The following HMCES variants were observed in gnomAD, a reference collection of about 807,000 sequenced individuals.
HMCES encodes abasic site processing protein HMCES.
HMCES carries 27 observed loss-of-function variants against 35.1 expected under a neutral mutation model. The observed-to-expected ratio is 0.77, with a 90% CI of 0.57 to 1.06. The LOEUF (loss-of-function observed/expected upper bound fraction) is 1.06, where lower values mean the gene tolerates loss of function less well. Among genes scored for constraint, HMCES ranks in the 50% least tolerant of loss-of-function variants. The pLI, the probability that HMCES is intolerant of heterozygous loss-of-function variation, is 0.00. For synonymous variants in HMCES, 130 were observed against 154.7 expected (o/e 0.84, Z 1.18); for missense variants, 391 against 430.4 (o/e 0.91, Z 0.81).
chr3:129,286,827 C>G (rs922437463), intron 2 of HMCES, among the ~76,000 whole-genome samples: 5 of 152,162 alleles, frequency 3.3e-5, no homozygotes, highest in African/African-American at 4.8e-5. Context: ...TCACTGGTCT[C>G]TCCCAACCCA....
chr3:129,285,590 T>C (rs1940614952), intron 2 of HMCES, among the ~76,000 whole-genome samples: 1 of 152,120 alleles, frequency 6.6e-6, no homozygotes, highest in Non-Finnish European at 1.5e-5. Flanking sequence ...TAGCTGGGAC[T>C]ACAGGCACTC....
At position 129,298,432 on chromosome 3, in the gene HMCES, G is replaced by A. The variant is rs770080789; in HGVS notation, c.532G>A (p.Gly178Arg). The A allele has an allele frequency of 9.3e-6, 15 of 1,614,140 alleles. No individual in the cohort carries two copies. Among genetic ancestry groups the A allele is most frequent in the Non-Finnish European group, 1.2e-5 (14 of 1,180,010 alleles). The change falls in exon 5 of 7, where the codon GGG (glycine) becomes AGG (arginine). Residue 178 changes from glycine (G) to arginine (R), a missense_variant. Gly to Arg is a moderately radical substitution (Grantham distance 125). Coordinates refer to ENST00000383463, the MANE Select transcript of HMCES (RefSeq NM_020187.3). ...CAACTGGAGGCTGCTGACAATGGCC[G>A]GGATCTTTGACTGCTGGGAGCCCCC... is the stretch of plus-strand genomic sequence containing the variant. ...WDNWRLLTMA[G>R]IFDCWEPPEG...
chr3:129,300,769 ACCTGTAAT>A (rs1173704489), intron 5 of HMCES, among the ~76,000 whole-genome samples: 2 of 152,052 alleles, frequency 1.3e-5, no homozygotes, highest in Non-Finnish European at 2.9e-5. Context: ...GGTGGCTCAC[ACCTGTAAT>A]CCCAGCACTT....
chr3:129,281,220 C>CAA (rs371391074), intron 2 of HMCES, among the ~76,000 whole-genome samples: 1 of 141,782 alleles, frequency 7.1e-6, no homozygotes. Context: ...GACTCCATCT[C>CAA]AAAAAAAAAA....
At position 129,289,542 on chromosome 3, in the gene HMCES, A is replaced by AT. The variant is rs905411685; in HGVS notation, c.327+556dup. On this transcript the variant is annotated intron_variant, in intron 3 of 6. Transcript: ENST00000383463. Reference sequence around the variant, plus strand: ...TGTATTCTTTTATTGTTATTGTTTAATTTTTTTTTTTAAATAGAGACAAGG... The same window carrying AT: ...TGTATTCTTTTATTGTTATTGTTTAATTTTTTTTTTTTAAATAGAGACAAGG... 2.3e-4 allele frequency among the ~76,000 whole-genome samples: 35 copies of AT among 149,684 alleles called. No individual in the cohort carries two copies. The East Asian group carries it at 3.1e-3, about 13-fold the overall frequency.
intron 2 of HMCES, among the ~76,000 whole-genome samples, chr3:129,286,648 A>C (rs1016336966): frequency 6.6e-6 from 1 of 151,238 alleles, no homozygotes; most frequent in Non-Finnish European, 1.5e-5. Flanking sequence ...TCATTATTTC[A>C]CTCTTCTGGG....
chr3:129,284,441 A>T (rs1045592672), intron 2 of HMCES, among the ~76,000 whole-genome samples: 1 of 152,240 alleles, frequency 6.6e-6, no homozygotes, highest in Non-Finnish European at 1.5e-5. Context: ...AAACAGAAAC[A>T]CACATAAAAC....
chr3:129,304,957 G>A lies in HMCES; in HGVS notation c.*132G>A. 1 of 731,602 alleles carries A rather than the reference G, an allele frequency of 1.4e-6. No homozygotes were observed. The highest frequency in any genetic ancestry group is 2.2e-6 in the Non-Finnish European group (1 of 446,854). The allele number at this position is 731,602 out of a possible 1,614,324, so 45.3% of individuals were successfully genotyped here. A position where few individuals can be genotyped will look rare whatever the true frequency, so the allele number is the denominator to read the frequency against. On this transcript the variant is annotated 3_prime_UTR_variant, in exon 7 of 7. Coordinates refer to ENST00000383463, the MANE Select transcript of HMCES (RefSeq NM_020187.3). ...TGTTAGTTGACAGTTGTGGGCTCAT[G>A]TAGTCTTTTTTGCCATGAGTAGGAG...
intron 2 of HMCES, among the ~76,000 whole-genome samples, chr3:129,280,222 AG>A (rs1458207093): frequency 2.6e-5 from 4 of 152,196 alleles, no homozygotes; most frequent in Admixed American, 6.5e-5. Context: ...ACTGATCATC[AG>A]GGTCATTGGA....
intron 2 of HMCES, among the ~76,000 whole-genome samples, 194 bp downstream of exon 2, chr3:129,280,109 C>T (rs993866145): frequency 1.8e-4 from 28 of 152,298 alleles, no homozygotes; most frequent in Middle Eastern, 3.4e-3. Flanking sequence ...CTGATAAAGA[C>T]GTATTTTTCA....
intron 2 of HMCES, among the ~76,000 whole-genome samples, chr3:129,284,640 C>T (rs1382448673): frequency 1.3e-5 from 2 of 152,184 alleles, no homozygotes; most frequent in Non-Finnish European, 2.9e-5. Flanking sequence ...CGCAGTGGCT[C>T]ACACCTGTAG....
intron 4 of HMCES, 72 bp from the exon 5 acceptor site, chr3:129,298,282 A>AAGTAGTAC: frequency 7.4e-7 from 1 of 1,347,870 alleles, no homozygotes; most frequent in Non-Finnish European, 1.1e-6. Context: ...CTCGAGTCTG[A>AAGTAGTAC]AGTAGTACCT....
At chr3:129,280,227 C>T (rs1176497181) in intron 2 of HMCES, among the ~76,000 whole-genome samples, 2 of 152,156 alleles carry the variant, frequency 1.3e-5, no homozygotes, top group African/African-American at 4.8e-5. Context: ...TCATCAGGGT[C>T]ATTGGAGTAT....
intron 5 of HMCES, 89 bp from the exon 6 acceptor site, chr3:129,301,861 T>G (rs1266191458): frequency 2.9e-6 from 3 of 1,041,418 alleles, no homozygotes; most frequent in South Asian, 3.1e-5. Context: ...CTTGTGATAT[T>G]TGAGGTATCA....
intron 2 of HMCES, among the ~76,000 whole-genome samples, chr3:129,285,312 A>G (rs552664340): frequency 2.6e-5 from 4 of 152,332 alleles, no homozygotes; most frequent in Non-Finnish European, 5.9e-5. Flanking sequence ...TGCCTACTCC[A>G]TGCCACACAT....
chr3:129,289,923 C>A (rs1435356178), intron 3 of HMCES, among the ~76,000 whole-genome samples: 1 of 152,058 alleles, frequency 6.6e-6, no homozygotes, highest in East Asian at 1.9e-4. Flanking sequence ...CACGGTGGCT[C>A]ACACCTATAA....
upstream of HMCES, chr3:129,278,864 G>C (rs536980174): frequency 6.6e-6 from 1 of 150,502 alleles, no homozygotes; most frequent in African/African-American, 2.4e-5. Context: ...CGGAGCGGGG[G>C]TGAGGAGAGT....
intron 2 of HMCES, among the ~76,000 whole-genome samples, chr3:129,284,983 C>G (rs1940595495): frequency 6.6e-6 from 1 of 152,166 alleles, no homozygotes; most frequent in Non-Finnish European, 1.5e-5. Context: ...ATCAGCAGCA[C>G]TATGGAGGGA....
rs2071002070 is a variant in HMCES at position 129,290,663 on chromosome 3, T to C, written c.328-16T>C. The C allele has an allele frequency of 1.2e-6, 2 of 1,610,942 alleles. No individual in the cohort carries two copies. The highest frequency in any genetic ancestry group is 1.7e-6 in the Non-Finnish European group (2 of 1,177,864). Reference sequence around the variant, plus strand: ...TTGTATCACTAAGACCATATCTTGCTCACATTTTCCCTCAGGTGCCTCTGG... The same window carrying C: ...TTGTATCACTAAGACCATATCTTGCCCACATTTTCCCTCAGGTGCCTCTGG... On this transcript the variant is annotated splice_polypyrimidine_tract_variant and intron_variant, in intron 3 of 6. Coordinates refer to ENST00000383463, the MANE Select transcript of HMCES (RefSeq NM_020187.3).
Sources: allele counts gnomAD v4.1 joint callset (sites outside exome capture counted in the v4.1 genomes callset), GRCh38; gene constraint gnomAD v4.1.1; transcripts MANE v1.5; gene names NCBI Gene and HGNC (gene_info 2026-07-23, HGNC 2026-07-21).